Variants in FGF13 observed in about 807,000 individuals in gnomAD.
FGF13 encodes fibroblast growth factor 13, also known as fibroblast growth factor homologous factor 2.
A neutral mutation model predicts 19.5 loss-of-function variants in FGF13; 2 were observed. That is an observed-to-expected ratio of 0.10 (90% CI 0.04 to 0.32). The LOEUF is 0.32. Ranked by LOEUF, FGF13 falls within the 10% of genes least tolerant of loss-of-function variation. The pLI, the probability that FGF13 is intolerant of heterozygous loss-of-function variation, is 1.00. For missense variants in FGF13, 113 were observed against 192.7 expected, an observed-to-expected ratio of 0.59 and a Z score of 2.45; for synonymous variants, 72 against 76.9, an observed-to-expected ratio of 0.94 and a Z score of 0.33.
intron 1 of FGF13, among the ~76,000 whole-genome samples, chrX:139,158,639 G>A (rs1265998792): frequency 4.5e-5 from 5 of 111,309 alleles, no homozygotes. Context: ...TAAATGACCT[G>A]ATGGAGGTGA....
At chrX:139,177,651 T>A (rs1603231755) in intron 1 of FGF13, among the ~76,000 whole-genome samples, 1 of 111,596 alleles carries the variant, frequency 9.0e-6, no homozygotes, top group African/African-American at 3.3e-5. Context: ...CAGTGGATCT[T>A]AGCTTGCGGG....
chrX:138,633,890 C>T (rs760259502), intron 4 of FGF13, among the ~76,000 whole-genome samples: 18 of 111,732 alleles, frequency 1.6e-4, no homozygotes, highest in African/African-American at 5.9e-4. Flanking sequence ...AAACACAGTG[C>T]TGTGCTTATT....
At chrX:138,791,893 C>A (rs1013964459) in intron 3 of FGF13, among the ~76,000 whole-genome samples, 2 of 111,910 alleles carry the variant, frequency 1.8e-5, no homozygotes, top group African/African-American at 3.3e-5. Flanking sequence ...GTCTTGATAT[C>A]AAAATTTTAA....
chrX:138,922,469 A>G (rs1334786808), intron 1 of FGF13, among the ~76,000 whole-genome samples: 4 of 111,289 alleles, frequency 3.6e-5, no homozygotes, highest in Admixed American at 1.9e-4. Context: ...GAGCTTATCC[A>G]TTTCCATAGC....
intron 1 of FGF13, among the ~76,000 whole-genome samples, chrX:138,733,624 C>T (rs907286654): frequency 9.0e-6 from 1 of 111,229 alleles, no homozygotes; most frequent in Middle Eastern, 4.2e-3. Flanking sequence ...GCCTCAGTTC[C>T]CCTCAGTATT....
At chrX:138,770,929 G>A (rs1450884824) in intron 3 of FGF13, among the ~76,000 whole-genome samples, 3 of 111,115 alleles carry the variant, frequency 2.7e-5, no homozygotes, top group Non-Finnish European at 5.7e-5. Flanking sequence ...GTGGGTGCAA[G>A]GTTTGAAAAG....
At chrX:138,884,207 G>A (rs1042126165) in intron 1 of FGF13, among the ~76,000 whole-genome samples, 1 of 112,203 alleles carries the variant, frequency 8.9e-6, no homozygotes, top group Non-Finnish European at 1.9e-5. Flanking sequence ...TATACAATAT[G>A]AGTTTCCCTG....
chrX:139,042,710 A>C (rs749960407), intron 1 of FGF13, among the ~76,000 whole-genome samples: 1 of 111,489 alleles, frequency 9.0e-6, no homozygotes, highest in South Asian at 3.8e-4. Context: ...ATTATGTGTA[A>C]TTTTTTGGAC....
At chrX:139,175,861 TTTG>T (rs1310819958) in intron 1 of FGF13, among the ~76,000 whole-genome samples, 3 of 111,926 alleles carry the variant, frequency 2.7e-5, no homozygotes, top group Non-Finnish European at 5.6e-5. Context: ...CTGAAATTTT[TTTG>T]TTGTTGTTGT....
rs1556347171 is a variant in FGF13 at position 139,054,899 on chromosome X, G to GTTGTGTTGTGTTGTGTTGTGTTGTA, written c.-113+148516_-113+148517insTACAACACAACACAACACAACACAA. Among the ~76,000 whole-genome samples, 319 of 98,916 alleles carry GTTGTGTTGTGTTGTGTTGTGTTGTA rather than the reference G, an allele frequency of 3.2e-3. 5 individuals are homozygous for GTTGTGTTGTGTTGTGTTGTGTTGTA. Among genetic ancestry groups the GTTGTGTTGTGTTGTGTTGTGTTGTA allele is most frequent in the African/African-American group, 0.012 (291 of 24,262 alleles). The allele number at this position is 98,916 out of a possible 115,157, so 85.9% of individuals were successfully genotyped here. ...GTTGTGTTGTGTTGTGTTGTGTTGT[G>GTTGTGTTGTGTTGTGTTGTGTTGTA]TTGTATTGTATTGTATTGTATTGTA... On this transcript the variant is annotated intron_variant, in intron 1 of 2. Coordinates refer to the FGF13 transcript ENST00000421460.
chrX:139,018,781 C>CT lies in FGF13; in HGVS notation c.-112-154132dup, dbSNP rs58280667. Among the ~76,000 whole-genome samples the CT allele has an allele frequency of 8.7e-4, 92 of 105,244 alleles. 1 individual carries two copies. Among genetic ancestry groups the CT allele is most frequent in the Admixed American group, 1.5e-3 (15 of 9,826 alleles). 91.4% of individuals were successfully genotyped at this position (105,244 alleles called of 115,157 possible). Reference sequence around the variant, plus strand: ...TCTCAGGAAATTTCCCTCCTTTACTCTTTTTTTTTTTCTTTGTAAACAGCT... The same window carrying CT: ...TCTCAGGAAATTTCCCTCCTTTACTCTTTTTTTTTTTTCTTTGTAAACAGCT... On this transcript the variant is annotated intron_variant, in intron 1 of 2. Transcript: ENST00000421460.
intron 1 of FGF13, among the ~76,000 whole-genome samples, chrX:138,970,311 C>T (rs1396563246): frequency 1.8e-5 from 2 of 111,204 alleles, no homozygotes; most frequent in Non-Finnish European, 3.8e-5. Flanking sequence ...AAGAGGAGGG[C>T]GGGCATCAAG....
intron 3 of FGF13, among the ~76,000 whole-genome samples, chrX:138,812,817 C>T (rs62602193): frequency 1.8e-3 from 196 of 110,695 alleles, no homozygotes; most frequent in Non-Finnish European, 3.1e-3. Context: ...TTTTGCTGTA[C>T]CTATTGACCC....
intron 1 of FGF13, among the ~76,000 whole-genome samples, chrX:138,892,513 T>G (rs1480591782): frequency 9.0e-6 from 1 of 111,543 alleles, no homozygotes; most frequent in Non-Finnish European, 1.9e-5. Flanking sequence ...ATAAACTGTG[T>G]CAATGAAGGT....
At chrX:138,854,711 T>G (rs978944715), downstream of FGF13, among the ~76,000 whole-genome samples, 2 of 112,012 alleles carry the variant, frequency 1.8e-5, no homozygotes, top group Middle Eastern at 4.7e-3. Context: ...GGCTTAAAAA[T>G]TTTTTTTTAA....
chrX:138,961,139 C>T (rs59436098), intron 1 of FGF13, among the ~76,000 whole-genome samples: 2,400 of 111,502 alleles, frequency 0.022, 74 homozygotes, highest in African/African-American at 0.074. Flanking sequence ...CTCCCCATCT[C>T]TGTGGTTTTA....
At chrX:138,678,375 A>AT (rs1186855237) in intron 3 of FGF13, among the ~76,000 whole-genome samples, 3 of 112,181 alleles carry the variant, frequency 2.7e-5, no homozygotes, top group Non-Finnish European at 5.6e-5. Flanking sequence ...AATAATAATA[A>AT]AATAAAATAA....
At chrX:139,108,971 G>A (rs2083581633) in intron 1 of FGF13, among the ~76,000 whole-genome samples, 1 of 109,978 alleles carries the variant, frequency 9.1e-6, no homozygotes, top group Admixed American at 9.8e-5. Flanking sequence ...ACTTTGCTGA[G>A]GATAATGGCT....
intron 1 of FGF13, among the ~76,000 whole-genome samples, chrX:139,047,286 ATATAT>A (rs1200982373): frequency 1.8e-5 from 2 of 112,580 alleles, no homozygotes; most frequent in Non-Finnish European, 3.7e-5. Flanking sequence ...TGATGTTTTG[ATATAT>A]GTATACATTG....
Sources: allele counts gnomAD v4.1 joint callset (sites outside exome capture counted in the v4.1 genomes callset), GRCh38; gene constraint gnomAD v4.1.1; transcripts MANE v1.5; gene names NCBI Gene and HGNC (gene_info 2026-07-23, HGNC 2026-07-21).